CPED1: variants seen among roughly 807,000 people sequenced by gnomAD.
CPED1 encodes cadherin-like and PC-esterase domain-containing protein 1.
CPED1 carries 114 observed loss-of-function variants against 128.2 expected under a neutral mutation model. The observed-to-expected ratio is 0.89, with a 90% confidence interval of 0.76 to 1.04. The LOEUF is 1.04. Ranked by LOEUF, CPED1 falls within the 50% of genes least tolerant of loss-of-function variation. CPED1 has a pLI of 0.00. For synonymous variants in CPED1, 462 were observed against 426.7 expected, an observed-to-expected ratio of 1.08 and a Z score of -1.02; for missense variants, 1,211 against 1,207.1, an observed-to-expected ratio of 1.00 and a Z score of -0.05.
At chr7:121,020,934 G>C (rs1792423954) in intron 3 of CPED1, among the ~76,000 whole-genome samples, 1 of 152,066 alleles carries the variant, frequency 6.6e-6, no homozygotes, top group Middle Eastern at 3.4e-3. Context: ...TGGAAATAAA[G>C]TAGATGTCAT....
intron 16 of CPED1, among the ~76,000 whole-genome samples, chr7:121,200,745 A>T (rs1284810754): frequency 6.6e-6 from 1 of 151,984 alleles, no homozygotes; most frequent in Non-Finnish European, 1.5e-5. Context: ...TGAAACAGAA[A>T]GTTTGATACA....
chr7:121,042,967 C>G (rs937777316), intron 3 of CPED1, among the ~76,000 whole-genome samples: 1 of 152,182 alleles, frequency 6.6e-6, no homozygotes, highest in Non-Finnish European at 1.5e-5. Flanking sequence ...GGGGCTTTGC[C>G]TGTTTTCAGC....
chr7:121,166,893 G>T (rs947393977), intron 16 of CPED1, among the ~76,000 whole-genome samples: 14 of 152,128 alleles, frequency 9.2e-5, no homozygotes, highest in African/African-American at 3.1e-4. Context: ...TCTACAAGTA[G>T]AGGGCAGATA....
At chr7:121,284,890 T>A (rs1252286354) in intron 22 of CPED1, among the ~76,000 whole-genome samples, 2 of 152,204 alleles carry the variant, frequency 1.3e-5, no homozygotes, top group African/African-American at 4.8e-5. Flanking sequence ...TGGAGGACAG[T>A]GCCCTTCTTC....
intron 18 of CPED1, among the ~76,000 whole-genome samples, chr7:121,265,293 A>G (rs909956054): frequency 2.6e-5 from 4 of 152,012 alleles, no homozygotes; most frequent in African/African-American, 9.7e-5. Flanking sequence ...TGGGTTCTCC[A>G]TTTAGTAGAT....
rs767495594 is a variant in CPED1 at position 121,064,207 on chromosome 7, C to T, written c.541-31C>T. On this transcript the variant is annotated intron_variant, in intron 4 of 22. Coordinates refer to ENST00000310396, the MANE Select transcript of CPED1 (RefSeq NM_024913.5). The stretch of plus-strand genomic sequence containing the variant: ...TTTGCTTTAGCGTTGATGAATGCCT[C>T]ACTCACTAGAATCTTTTTCATTCCT... The T allele has an allele frequency of 2.8e-6, 4 of 1,444,428 alleles. No individual in the cohort carries two copies. In the East Asian group the frequency reaches 6.8e-5, roughly 25 times the overall value. The allele number at this position is 1,444,428 out of a possible 1,614,324, so 89.5% of individuals were successfully genotyped here. A position where few individuals can be genotyped will look rare whatever the true frequency, so the allele number is the denominator to read the frequency against.
intron 3 of CPED1, among the ~76,000 whole-genome samples, 181 bp from the exon 4 acceptor site, chr7:121,046,706 T>C (rs1793209192): frequency 6.6e-6 from 1 of 152,068 alleles, no homozygotes. Context: ...ATACTAGAAA[T>C]TCCAAAATTT....
chr7:121,068,681 A>G (rs540993796), intron 5 of CPED1, among the ~76,000 whole-genome samples: 8 of 150,016 alleles, frequency 5.3e-5, no homozygotes, highest in African/African-American at 2.0e-4. Context: ...TGGGGATGGC[A>G]TTGAATCTAT....
chr7:121,120,158 T>G (rs2116299576), intron 7 of CPED1, among the ~76,000 whole-genome samples: 1 of 152,344 alleles, frequency 6.6e-6, no homozygotes, highest in Admixed American at 6.5e-5. Context: ...ATGCTGACTG[T>G]ATACCCAGAA....
chr7:121,127,516 T>C, intron 10 of CPED1, among the ~76,000 whole-genome samples: 1 of 146,318 alleles, frequency 6.8e-6, no homozygotes, highest in East Asian at 1.9e-4. Flanking sequence ...TTTCTTTTTG[T>C]TTTTCTTTTT....
intron 10 of CPED1, 99 bp from the exon 11 acceptor site, chr7:121,128,283 A>G: frequency 1.4e-6 from 1 of 689,768 alleles, no homozygotes; most frequent in South Asian, 1.7e-5. Context: ...TTGTTTATAG[A>G]ACTCAAAATC....
chr7:121,207,610 T>C (rs1430179209), intron 16 of CPED1, among the ~76,000 whole-genome samples: 3 of 152,060 alleles, frequency 2.0e-5, no homozygotes, highest in Non-Finnish European at 4.4e-5. Context: ...ACTGATAAAG[T>C]ATATGTCTTA....
chr7:121,053,963 C>T (rs1325568219), intron 4 of CPED1, among the ~76,000 whole-genome samples: 1 of 152,102 alleles, frequency 6.6e-6, no homozygotes, highest in Non-Finnish European at 1.5e-5. Flanking sequence ...GTGTTCTTTC[C>T]TTGGACATTT....
At chr7:121,259,413 A>G (rs10229198) in intron 18 of CPED1, among the ~76,000 whole-genome samples, 15,658 of 152,068 alleles carry the variant, frequency 0.1, 1,063 homozygotes, top group African/African-American at 0.18. Flanking sequence ...TGAACTCTAA[A>G]TGTATCCAAA....
intron 16 of CPED1, among the ~76,000 whole-genome samples, chr7:121,200,929 A>G (rs1052081691): frequency 6.8e-6 from 1 of 146,040 alleles, no homozygotes; most frequent in African/African-American, 2.5e-5. Context: ...ATAGGAGAAT[A>G]TCCACATTAA....
At chr7:121,132,130 A>T (rs1795685102) in intron 12 of CPED1, among the ~76,000 whole-genome samples, 1 of 152,080 alleles carries the variant, frequency 6.6e-6, no homozygotes, top group South Asian at 2.1e-4. Flanking sequence ...TTACCAGTGA[A>T]TGTGTATATA....
intron 2 of CPED1, 36 bp from the exon 3 acceptor site, chr7:121,015,629 T>G: frequency 6.4e-7 from 1 of 1,562,312 alleles, no homozygotes; most frequent in Non-Finnish European, 8.6e-7. Flanking sequence ...AATGTACTAC[T>G]TTTTTATATT....
At chr7:120,994,650 TG>T (rs1468715715) in intron 2 of CPED1, among the ~76,000 whole-genome samples, 2 of 138,314 alleles carry the variant, frequency 1.4e-5, no homozygotes, top group African/African-American at 5.5e-5. Flanking sequence ...TGTGTGTGTG[TG>T]TGTGTGTGTT....
At chr7:121,155,130 A>G (rs1443996929) in intron 16 of CPED1, among the ~76,000 whole-genome samples, 1 of 152,242 alleles carries the variant, frequency 6.6e-6, no homozygotes, top group Non-Finnish European at 1.5e-5. Flanking sequence ...TAGCTATAAA[A>G]ATATAAAATA....
Sources: gnomAD v4.1 joint callset for allele counts (sites outside exome capture counted in the v4.1 genomes callset) on GRCh38, gnomAD v4.1.1 for gene constraint, MANE v1.5 for transcripts, NCBI Gene and HGNC (gene_info 2026-07-23, HGNC 2026-07-21) for gene names.